Variants in POLG2 observed in about 807,000 individuals in gnomAD.
The protein encoded by POLG2 is DNA polymerase subunit gamma-2.
POLG2 carries 50 observed loss-of-function variants against 56.5 expected under a neutral mutation model. That is an observed-to-expected ratio of 0.88 (90% CI 0.71 to 1.12). The LOEUF (loss-of-function observed/expected upper bound fraction) is 1.12, where lower values mean the gene tolerates loss of function less well. Among genes scored for constraint, POLG2 ranks in the 50% most tolerant of loss-of-function variants. The pLI, the probability that POLG2 is intolerant of heterozygous loss-of-function variation, is 0.00. For missense variants in POLG2, 584 were observed against 583.3 expected, an observed-to-expected ratio of 1.00 and a Z score of -0.01; for synonymous variants, 226 against 222.6, an observed-to-expected ratio of 1.02 and a Z score of -0.14.
At chr17:64,492,455 T>C (rs980122711) in intron 3 of POLG2, among the ~76,000 whole-genome samples, 4 of 152,218 alleles carry the variant, frequency 2.6e-5, no homozygotes, top group African/African-American at 9.6e-5. Context: ...AAAGGCTAAT[T>C]AACAAACACA....
At chr17:64,483,809 C>A (rs2037906131) in intron 5 of POLG2, among the ~76,000 whole-genome samples, 1 of 151,726 alleles carries the variant, frequency 6.6e-6, no homozygotes. Flanking sequence ...CCTCTGGGCT[C>A]AAGCCATCCT....
chr17:64,480,973 T>C (rs1248162933), intron 6 of POLG2, among the ~76,000 whole-genome samples: 2 of 152,094 alleles, frequency 1.3e-5, no homozygotes, highest in African/African-American at 4.8e-5. Flanking sequence ...ACAGTAAACT[T>C]AACTGTTTTC....
intron 5 of POLG2, among the ~76,000 whole-genome samples, chr17:64,483,721 CTTT>C (rs782648209): frequency 2.9e-5 from 4 of 137,292 alleles, no homozygotes; most frequent in Admixed American, 7.4e-5. Flanking sequence ...ATGAAATTTG[CTTT>C]TTTTTTTTTT....
intron 4 of POLG2, among the ~76,000 whole-genome samples, chr17:64,490,117 G>T (rs1377539678): frequency 6.6e-6 from 1 of 152,056 alleles, no homozygotes; most frequent in African/African-American, 2.4e-5. Flanking sequence ...TAGAGATGGG[G>T]TTTCACCACA....
At chr17:64,478,617 G>A (rs1057311749) in intron 7 of POLG2, among the ~76,000 whole-genome samples, 1 of 152,066 alleles carries the variant, frequency 6.6e-6, no homozygotes, top group Non-Finnish European at 1.5e-5. Context: ...GAATAGTATG[G>A]CTGGGCGTGG....
In POLG2 at chr17:64,496,975, C is replaced by T; in HGVS notation, c.-7G>A. 3.1e-6 allele frequency: 5 copies of T among 1,602,948 alleles called. No individual in the cohort carries two copies. Among genetic ancestry groups the T allele is most frequent in the Non-Finnish European group, 4.2e-6 (5 of 1,179,432 alleles). ...CGGCTACACGAGAGCGCATCTCTCT[C>T]CGAAGTTAAAGAGCACACTCTCCCA... On this transcript the variant is annotated 5_prime_UTR_variant, in exon 1 of 8. Coordinates refer to ENST00000539111, the MANE Select transcript of POLG2 (RefSeq NM_007215.4).
chr17:64,485,561 GATTCT>G, intron 5 of POLG2, 162 bp downstream of exon 5: 1 of 643,396 alleles, frequency 1.6e-6, no homozygotes, highest in Non-Finnish European at 2.7e-6. Context: ...GTGAGAACCT[GATTCT>G]TATTCCTGTG....
chr17:64,489,108 T>C (rs1270907409), intron 4 of POLG2, among the ~76,000 whole-genome samples: 1 of 150,700 alleles, frequency 6.6e-6, no homozygotes, highest in African/African-American at 2.4e-5. Context: ...TCACTGATGA[T>C]CCTGGAACAA....
chr17:64,492,947 C>G lies in POLG2; in HGVS notation c.637G>C (p.Val213Leu). The change falls in exon 2 of 8, where the codon GTG becomes CTG. Residue 213 changes from valine to leucine, a missense_variant. Physicochemically the swap from Val to Leu is conservative, Grantham distance 32. Transcript: ENST00000539111. Reference protein sequence around the residue: ...RLPYGLAQIGVCFHPVFDTKQ... With the variant: ...RLPYGLAQIGLCFHPVFDTKQ... The stretch of plus-strand genomic sequence containing the variant: ...GTGTCAAAAACAGGATGAAAACACA[C>G]TCCAATCTGAGCAAGGCCATAAGGT... 6.2e-7 allele frequency: 1 copy of G among 1,614,066 alleles called. No individual in the cohort carries two copies. The highest frequency in any genetic ancestry group is 8.5e-7 in the Non-Finnish European group (1 of 1,179,918).
intron 4 of POLG2, chr17:64,487,178 T>A (rs1204653588): frequency 3.3e-5 from 5 of 152,254 alleles, no homozygotes; most frequent in African/African-American, 9.6e-5. Flanking sequence ...ATATATGTAC[T>A]GACATTTTAA....
intron 1 of POLG2, among the ~76,000 whole-genome samples, chr17:64,493,888 C>A (rs1555669031): frequency 6.6e-6 from 1 of 152,124 alleles, no homozygotes; most frequent in African/African-American, 2.4e-5. Flanking sequence ...CAACATTTTG[C>A]CACATTTTTT....
intron 4 of POLG2, chr17:64,490,356 G>A (rs868991833): frequency 1.5e-5 from 3 of 206,250 alleles, no homozygotes; most frequent in Middle Eastern, 2.0e-3. Flanking sequence ...GAGCTTCTCA[G>A]TACTACCACT....
intron 5 of POLG2, chr17:64,483,845 G>T (rs2037906598): frequency 6.6e-6 from 1 of 152,148 alleles, no homozygotes; most frequent in Non-Finnish European, 1.5e-5. Flanking sequence ...TAAGTAGCAG[G>T]GACTACAGGT....
intron 6 of POLG2, among the ~76,000 whole-genome samples, chr17:64,481,947 A>G (rs562015707): frequency 7.2e-6 from 1 of 138,628 alleles, no homozygotes; most frequent in Non-Finnish European, 1.5e-5. Flanking sequence ...ATGTGTACAA[A>G]TATTTTAATT....
rs782727922 is a variant in POLG2 at position 64,496,977 on chromosome 17, G to A, written c.-9C>T. The A allele has an allele frequency of 3.1e-6, 5 of 1,601,290 alleles. No homozygotes were observed. The highest frequency in any genetic ancestry group is 1.1e-5 in the South Asian group (1 of 91,044). On this transcript the variant is annotated 5_prime_UTR_variant, in exon 1 of 8. Transcript: ENST00000539111. Reference sequence around the variant, plus strand: ...GCTACACGAGAGCGCATCTCTCTCCGAAGTTAAAGAGCACACTCTCCCATC... The same window carrying A: ...GCTACACGAGAGCGCATCTCTCTCCAAAGTTAAAGAGCACACTCTCCCATC...
intron 6 of POLG2, among the ~76,000 whole-genome samples, chr17:64,482,167 G>C (rs1222950530): frequency 7.8e-6 from 1 of 127,866 alleles, no homozygotes; most frequent in South Asian, 2.7e-4. Flanking sequence ...GCAGTGCTGC[G>C]ATCTCGGCTC....
intron 3 of POLG2, 70 bp from the exon 4 acceptor site, chr17:64,491,039 G>A (rs2038049466): frequency 1.7e-6 from 2 of 1,167,010 alleles, no homozygotes; most frequent in Non-Finnish European, 2.6e-6. Flanking sequence ...ATAATTATCT[G>A]TAAGAATTTA....
chr17:64,487,888 T>TGGATATCCAACAATGTCA (rs2037986661), intron 4 of POLG2, among the ~76,000 whole-genome samples: 1 of 152,160 alleles, frequency 6.6e-6, no homozygotes, highest in Admixed American at 6.5e-5. Context: ...TTTTGAAAAT[T>TGGATATCCAACAATGTCA]GGATATCCAA....
At position 64,493,004 on chromosome 17, in the gene POLG2, CAT is replaced by C. The variant is rs1285982890; in HGVS notation, c.578_579del (p.Tyr193CysfsTer2). On this transcript the variant is annotated frameshift_variant, in exon 2 of 8. Transcript: ENST00000539111. LOFTEE classifies it high-confidence loss of function. Reference sequence around the variant, plus strand: ...TTGTTTACCAGATCCAGGCAATTAACATAGTGTTCCAAGGCACCTGTCAAAAG... The same window carrying C: ...TTGTTTACCAGATCCAGGCAATTAACAGTGTTCCAAGGCACCTGTCAAAAG... ...ENLLHGALEH[Y>X]VNCLDLVNKR... is the part of the protein sequence containing the mutation. 6 of 1,613,988 alleles carry C rather than the reference CAT, an allele frequency of 3.7e-6. No homozygotes were observed. The highest frequency in any genetic ancestry group is 2.7e-5 in the African/African-American group (2 of 74,932).
Sources: gnomAD v4.1 joint callset for allele counts (sites outside exome capture counted in the v4.1 genomes callset) on GRCh38, gnomAD v4.1.1 for gene constraint, MANE v1.5 for transcripts, NCBI Gene and HGNC (gene_info 2026-07-23, HGNC 2026-07-21) for gene names.